The following TIMELESS variants were observed in gnomAD, a reference collection of about 807,000 sequenced individuals.
The protein encoded by TIMELESS is timeless circadian regulator, also known as protein timeless homolog.
In TIMELESS, 124 loss-of-function variants were observed where a neutral mutation model predicts 164.3. The ratio of observed to expected loss-of-function variants is 0.75; its 90% CI spans 0.65 to 0.88. The LOEUF is 0.88. Ranked by LOEUF, TIMELESS falls within the 40% of genes least tolerant of loss-of-function variation. TIMELESS has a pLI of 0.00. For missense variants in TIMELESS, 1,422 were observed against 1,491.4 expected (o/e 0.95, Z 0.77); for synonymous variants, 564 against 563.4 (o/e 1.00, Z -0.02).
intron 1 of TIMELESS, among the ~76,000 whole-genome samples, chr12:56,445,621 C>A (rs1264369409): frequency 1.3e-5 from 2 of 151,080 alleles, no homozygotes; most frequent in Non-Finnish European, 2.9e-5. Context: ...GCCTGTAATC[C>A]CAGCTACTCA....
chr12:56,442,095 AAAAAAAAGAAATGTAGTTG>A (rs1868282782), intron 1 of TIMELESS, among the ~76,000 whole-genome samples: 1 of 150,290 alleles, frequency 6.7e-6, no homozygotes, highest in Non-Finnish European at 1.5e-5. Context: ...AAAAAAAAAA[AAAAAAAAGAAATGTAGTTG>A]CAGAAATAAA....
intron 1 of TIMELESS, among the ~76,000 whole-genome samples, chr12:56,437,052 C>T (rs1345143443): frequency 6.6e-6 from 1 of 151,732 alleles, no homozygotes; most frequent in Non-Finnish European, 1.5e-5. Flanking sequence ...GCCTCAGCCT[C>T]CCAAGTAGCT....
At chr12:56,438,580 T>A (rs1882145796) in intron 1 of TIMELESS, among the ~76,000 whole-genome samples, 1 of 151,582 alleles carries the variant, frequency 6.6e-6, no homozygotes, top group Non-Finnish European at 1.5e-5. Context: ...AAGACCAGTT[T>A]GGGCAATATA....
At chr12:56,423,937 G>A in intron 15 of TIMELESS, 43 bp from the exon 16 acceptor site, 1 of 1,545,476 alleles carries the variant, frequency 6.5e-7, no homozygotes, top group South Asian at 1.1e-5. Flanking sequence ...GGGGAAATCT[G>A]GCTTTAAATT....
intron 18 of TIMELESS, 79 bp from the exon 19 acceptor site, chr12:56,423,071 T>C (rs1002610388): frequency 3.8e-5 from 58 of 1,530,464 alleles, no homozygotes; most frequent in Non-Finnish European, 4.8e-5. Flanking sequence ...ATTTTCTCTA[T>C]AGCTGTTCCC....
intron 18 of TIMELESS, 48 bp downstream of exon 18, chr12:56,423,226 G>T (rs376520999): frequency 8.8e-6 from 14 of 1,591,902 alleles, no homozygotes; most frequent in Non-Finnish European, 1.2e-5. Flanking sequence ...TTATTTACCT[G>T]AGGGTTCCCA....
chr12:56,425,873 T>A (rs1424493497), intron 13 of TIMELESS, among the ~76,000 whole-genome samples: 1 of 150,394 alleles, frequency 6.6e-6, no homozygotes. Flanking sequence ...AGACCCTGCT[T>A]AAAAAAATAA....
chr12:56,428,199 C>A, intron 13 of TIMELESS, 37 bp downstream of exon 13: 1 of 1,541,120 alleles, frequency 6.5e-7, no homozygotes, highest in South Asian at 1.2e-5. Flanking sequence ...TTGACTCTCC[C>A]TTACAGCTCT....
At chr12:56,432,631 C>T in intron 6 of TIMELESS, 107 bp from the exon 7 acceptor site, 1 of 1,476,070 alleles carries the variant, frequency 6.8e-7, no homozygotes, top group Non-Finnish European at 9.2e-7. Context: ...CCAGACTTGT[C>T]AGAGGACAGA....
chr12:56,419,543 T>C (rs1174446117), intron 26 of TIMELESS, among the ~76,000 whole-genome samples: 1 of 151,166 alleles, frequency 6.6e-6, no homozygotes, highest in Non-Finnish European at 1.5e-5. Context: ...GATTAACCAT[T>C]TGGAGGCATG....
At position 56,433,568 on chromosome 12, in the gene TIMELESS, C is replaced by T; in HGVS notation, c.336G>A (p.Gln112=). Residue 112 remains glutamine, a synonymous_variant, in exon 4 of 29, where the codon CAG becomes CAA. Coordinates refer to ENST00000553532, the MANE Select transcript of TIMELESS (RefSeq NM_003920.5). The part of the protein sequence containing the change: ...KEPSFRHHFL[Q]VLTYLQAYKE... ...TGTAGGCCTGCAAATAAGTTAGCAC[C>T]TGCAAAAAATGGTGCCGAAAGCTGG... The T allele has an allele frequency of 6.2e-7, 1 of 1,614,174 alleles. No homozygotes were observed.
intron 1 of TIMELESS, among the ~76,000 whole-genome samples, chr12:56,437,321 T>C (rs11171850): frequency 0.55 from 83,739 of 151,892 alleles, 23,862 homozygotes; most frequent in African/African-American, 0.64. Context: ...AAAATATAAC[T>C]GAAGAAAATA....
chr12:56,423,648 C>T lies in TIMELESS; in HGVS notation c.2026G>A (p.Glu676Lys). 1.2e-6 allele frequency: 2 copies of T among 1,614,012 alleles called. No homozygotes were observed. Among genetic ancestry groups the T allele is most frequent in the Non-Finnish European group, 1.7e-6 (2 of 1,179,982 alleles). The change falls in exon 17 of 29, where the codon GAG (glutamate) becomes AAG (lysine). Residue 676 changes from glutamate to lysine, a missense_variant. Coordinates refer to ENST00000553532, the MANE Select transcript of TIMELESS (RefSeq NM_003920.5). Reference sequence around the variant, plus strand: ...ACCTGGACCACTTGCAACTCCTCCTCTTCCTCCTCCTCCTCCTCTTCTTCT... The same window carrying T: ...ACCTGGACCACTTGCAACTCCTCCTTTTCCTCCTCCTCCTCCTCTTCTTCT... ...EEEEEEEEEEEEELQVVQVSE... is the reference protein window; with the variant it reads ...EEEEEEEEEEKEELQVVQVSE...
At chr12:56,436,384 G>A (rs563768786) in intron 1 of TIMELESS, among the ~76,000 whole-genome samples, 2 of 152,216 alleles carry the variant, frequency 1.3e-5, no homozygotes, top group South Asian at 4.1e-4. Context: ...AACCCGGGAG[G>A]CAGAGGTTGC....
chr12:56,443,798 A>T (rs1254382402), intron 1 of TIMELESS, among the ~76,000 whole-genome samples: 1 of 152,194 alleles, frequency 6.6e-6, no homozygotes, highest in Non-Finnish European at 1.5e-5. Context: ...AATAGAAAAG[A>T]ACCTACATTG....
At chr12:56,431,372 A>AAC in intron 8 of TIMELESS, 99 bp downstream of exon 8, 1 of 1,358,680 alleles carries the variant, frequency 7.4e-7, no homozygotes, top group Non-Finnish European at 9.8e-7. Flanking sequence ...AAAAAAAAAA[A>AAC]CACTAAAATG....
chr12:56,432,020 T>C (rs569317029), intron 7 of TIMELESS, among the ~76,000 whole-genome samples: 1 of 152,190 alleles, frequency 6.6e-6, no homozygotes, highest in African/African-American at 2.4e-5. Flanking sequence ...AACAGGCGGG[T>C]ATACACTGTG....
At chr12:56,444,735 A>G (rs1258238164) in intron 1 of TIMELESS, among the ~76,000 whole-genome samples, 1 of 151,722 alleles carries the variant, frequency 6.6e-6, no homozygotes, top group Admixed American at 6.6e-5. Flanking sequence ...GGGGGGAAAA[A>G]TCCAACATAA....
intron 1 of TIMELESS, among the ~76,000 whole-genome samples, chr12:56,441,217 T>C (rs1868270130): frequency 6.6e-6 from 1 of 152,234 alleles, no homozygotes; most frequent in Non-Finnish European, 1.5e-5. Context: ...CAGAAGTGCT[T>C]TTAGAACACT....
Sources: gnomAD v4.1 joint callset for allele counts (sites outside exome capture counted in the v4.1 genomes callset) on GRCh38, gnomAD v4.1.1 for gene constraint, MANE v1.5 for transcripts, NCBI Gene and HGNC (gene_info 2026-07-23, HGNC 2026-07-21) for gene names.